XIST: variants seen among roughly 807,000 people sequenced by gnomAD.
The protein encoded by XIST is X inactive specific transcript.
intron 4 of XIST, among the ~76,000 whole-genome samples, chrX:73,829,943 G>A (rs1922347309): frequency 9.0e-6 from 1 of 110,562 alleles, no homozygotes; most frequent in African/African-American, 3.3e-5. Flanking sequence ...GGCTCACTTC[G>A]ATGTTTTAAG....
At chrX:73,847,861 C>T in exon 1 of XIST, 1 of 558,948 alleles carries the variant, frequency 1.8e-6, no homozygotes. Flanking sequence ...TTTGCACATT[C>T]ATAGTCCCAG....
chrX:73,845,078 T>G, exon 1 of XIST: 2 of 555,536 alleles, frequency 3.6e-6, no homozygotes, highest in Non-Finnish European at 6.5e-6. Flanking sequence ...TAGGACCTTA[T>G]TCAGATGGGA....
At position 73,824,082 on chromosome X, in the gene XIST, T is replaced by A. The variant is rs1173145467; in HGVS notation, n.15819A>T. ...AAGGATAAGAGTAATCAATGATCATTCAGCAGATATAGCTTATATATGGGT... is the reference window on the plus strand; with the variant it reads ...AAGGATAAGAGTAATCAATGATCATACAGCAGATATAGCTTATATATGGGT... On this transcript the variant is annotated non_coding_transcript_exon_variant, in exon 6 of 6. Transcript: ENST00000429829. The A allele has an allele frequency of 7.2e-6, 4 of 553,888 alleles. No homozygotes were observed. The South Asian group carries it at 9.1e-5, about 13-fold the overall frequency. The allele number at this position is 553,888 out of a possible 1,213,427, so 45.6% of individuals were successfully genotyped here.
rs148867747 is a variant in XIST at position 73,826,203 on chromosome X, C to T, written n.13698G>A. On this transcript the variant is annotated non_coding_transcript_exon_variant, in exon 6 of 6. Transcript: ENST00000429829. Reference sequence around the variant, plus strand: ...TTTCTTGTCTAATTCTTCTCATTGGCCTGGAGCATCTCTTCACATTTTTCT... The same window carrying T: ...TTTCTTGTCTAATTCTTCTCATTGGTCTGGAGCATCTCTTCACATTTTTCT... 2.1e-3 allele frequency: 1,180 copies of T among 557,671 alleles called. 15 individuals are homozygous for T. The African/African-American group carries it at 0.023, about 11-fold the overall frequency. The allele number at this position is 557,671 out of a possible 1,213,427, so 46.0% of individuals were successfully genotyped here.
intron 3 of XIST, among the ~76,000 whole-genome samples, chrX:73,833,047 A>G (rs1347446968): frequency 9.1e-6 from 1 of 109,336 alleles, no homozygotes; most frequent in Non-Finnish European, 1.9e-5. Flanking sequence ...ATGCCCAACT[A>G]ATTTTATTTT....
At chrX:73,843,611 T>A (rs1182146974) in exon 1 of XIST, 4 of 557,116 alleles carry the variant, frequency 7.2e-6, no homozygotes, top group Non-Finnish European at 1.3e-5. Flanking sequence ...TAATGCATAT[T>A]AAGTCCAAAA....
exon 6 of XIST, chrX:73,823,869 A>G (rs755453653): frequency 9.0e-6 from 5 of 556,612 alleles, no homozygotes; most frequent in South Asian, 2.2e-5. Context: ...TGAGCACTCT[A>G]TAATGATAAC....
At chrX:73,827,099 C>CT (rs1922274509) in exon 6 of XIST, 1 of 556,757 alleles carries the variant, frequency 1.8e-6, no homozygotes, top group African/African-American at 2.2e-5. Context: ...TTTGGGCCTT[C>CT]TATCCATATG....
At chrX:73,830,083 C>A (rs1206421244) in intron 4 of XIST, among the ~76,000 whole-genome samples, 1 of 108,877 alleles carries the variant, frequency 9.2e-6, no homozygotes, top group African/African-American at 3.4e-5. Flanking sequence ...AATATTCTCA[C>A]AATAAGAAAA....
intron 1 of XIST, among the ~76,000 whole-genome samples, chrX:73,840,978 C>A (rs1359109747): frequency 8.9e-6 from 1 of 112,047 alleles, no homozygotes; most frequent in Admixed American, 9.5e-5. Context: ...AACTTCAAAT[C>A]CTTGTGGGTT....
In XIST at chrX:73,850,679, C is replaced by CAGAGGGGG. The variant is rs767378926; in HGVS notation, n.2037_2044dup. ...GGCAACAGTGCAGTGCAGGGCAGAC[C>CAGAGGGGG]AGAGGGGGGTAGGGGGGTAGGGGGG... is the stretch of plus-strand genomic sequence containing the variant. On this transcript the variant is annotated non_coding_transcript_exon_variant, in exon 1 of 6. Transcript: ENST00000429829. The CAGAGGGGG allele has an allele frequency of 1.9e-3, 777 of 411,220 alleles. 9 individuals carry two copies. In the African/African-American group the frequency reaches 0.022, roughly 11 times the overall value. 33.9% of individuals were successfully genotyped at this position (411,220 alleles called of 1,213,427 possible).
chrX:73,826,208 A>G, exon 6 of XIST: 1 of 559,256 alleles, frequency 1.8e-6, no homozygotes, highest in African/African-American at 2.2e-5. Flanking sequence ...ATTGGCCTGG[A>G]GCATCTCTTC....
At chrX:73,838,064 C>G (rs780809688) in intron 1 of XIST, among the ~76,000 whole-genome samples, 15 of 111,300 alleles carry the variant, frequency 1.3e-4, no homozygotes, top group Non-Finnish European at 2.5e-4. Context: ...AAAAATAAGT[C>G]GTAAGTTAGT....
At chrX:73,845,158 T>C in exon 1 of XIST, 1 of 555,744 alleles carries the variant, frequency 1.8e-6, no homozygotes, top group Non-Finnish European at 3.2e-6. Context: ...TTGTGCACCT[T>C]GACTGTCCAA....
exon 1 of XIST, chrX:73,846,402 G>A (rs372838115): frequency 3.4e-5 from 19 of 556,972 alleles, no homozygotes; most frequent in Non-Finnish European, 6.1e-5. Flanking sequence ...ACTGAGGTAT[G>A]TGGAGAGGAC....
intron 1 of XIST, among the ~76,000 whole-genome samples, chrX:73,840,957 T>C (rs1383679341): frequency 8.9e-6 from 1 of 112,022 alleles, no homozygotes; most frequent in Non-Finnish European, 1.9e-5. Context: ...CTTCCTTAAG[T>C]TTATTCTATC....
At chrX:73,848,041 G>A in exon 1 of XIST, 1 of 559,035 alleles carries the variant, frequency 1.8e-6, no homozygotes, top group South Asian at 2.2e-5. Context: ...AAGTGAGTGG[G>A]GTCTTTAGTG....
At chrX:73,820,723 T>C in exon 6 of XIST, 2 of 556,759 alleles carry the variant, frequency 3.6e-6, no homozygotes, top group Non-Finnish European at 6.5e-6. Context: ...TTGTGACATC[T>C]AGATGGCTTA....
chrX:73,833,473 C>G, intron 2 of XIST: 1 of 463,485 alleles, frequency 2.2e-6, no homozygotes, highest in Non-Finnish European at 3.8e-6. Flanking sequence ...GAAGTATAAA[C>G]TGAAGCATTA....
Sources: gnomAD v4.1 joint callset for allele counts (sites outside exome capture counted in the v4.1 genomes callset) on GRCh38, gnomAD v4.1.1 for gene constraint, MANE v1.5 for transcripts, NCBI Gene and HGNC (gene_info 2026-07-23, HGNC 2026-07-21) for gene names.